Variants in AKAP6 observed in about 807,000 individuals in gnomAD.
AKAP6 encodes the protein A-kinase anchoring protein 6.
AKAP6 carries 58 observed loss-of-function variants against 188.5 expected under a neutral mutation model. That is an observed-to-expected ratio of 0.31 (90% CI 0.25 to 0.38). The LOEUF (loss-of-function observed/expected upper bound fraction) is 0.38. Among genes scored for constraint, AKAP6 ranks in the 10% least tolerant of loss-of-function variants. AKAP6 has a pLI of 1.00. For missense variants in AKAP6, 2,710 were observed against 2,740.0 expected, an observed-to-expected ratio of 0.99 and a Z score of 0.24; for synonymous variants, 989 against 998.6, an observed-to-expected ratio of 0.99 and a Z score of 0.18.
intron 2 of AKAP6, among the ~76,000 whole-genome samples, chr14:32,526,475 C>T (rs1443893163): frequency 6.6e-6 from 1 of 152,136 alleles, no homozygotes; most frequent in Non-Finnish European, 1.5e-5. Flanking sequence ...TCAAGTGATC[C>T]GCCCACCTTA....
chr14:32,511,320 G>A (rs1466371162), intron 2 of AKAP6, among the ~76,000 whole-genome samples: 1 of 151,236 alleles, frequency 6.6e-6, no homozygotes, highest in Non-Finnish European at 1.5e-5. Flanking sequence ...AGTGTTTCAG[G>A]TCTTTCTTTA....
intron 2 of AKAP6, among the ~76,000 whole-genome samples, chr14:32,504,850 C>G (rs898273065): frequency 7.2e-5 from 11 of 152,172 alleles, no homozygotes; most frequent in African/African-American, 2.7e-4. Context: ...TAGGCCTCAG[C>G]TCTGCTCCAT....
In AKAP6 at chr14:32,343,150, AC is replaced by A. The variant is rs1208447398; in HGVS notation, c.-35+13747del. Among the ~76,000 whole-genome samples, 4 of 152,018 alleles carry A rather than the reference AC, an allele frequency of 2.6e-5. No homozygotes were observed. In the East Asian group the frequency reaches 5.8e-4, roughly 22 times the overall value. On this transcript the variant is annotated intron_variant, in intron 1 of 13. Transcript: ENST00000280979. ...TCTTCTGGGTTCAAATCTCAGTCCCACCCCCACTAGCTCTGTGCCCAGGGAA... is the reference window on the plus strand; with the variant it reads ...TCTTCTGGGTTCAAATCTCAGTCCCACCCCACTAGCTCTGTGCCCAGGGAA...
chr14:32,330,694 C>G (rs1184456770), intron 1 of AKAP6, among the ~76,000 whole-genome samples: 1 of 141,382 alleles, frequency 7.1e-6, no homozygotes, highest in Non-Finnish European at 1.5e-5. Flanking sequence ...AAAGCAATAC[C>G]TTTAGCTAGC....
chr14:32,385,718 G>A (rs1325140685), intron 1 of AKAP6, among the ~76,000 whole-genome samples: 1 of 151,008 alleles, frequency 6.6e-6, no homozygotes, highest in East Asian at 1.9e-4. Flanking sequence ...TCTCATCCAG[G>A]TTGCTACGAA....
chr14:32,573,924 G>A (rs10151427), intron 4 of AKAP6, among the ~76,000 whole-genome samples: 19,248 of 152,146 alleles, frequency 0.13, 1,390 homozygotes, highest in Admixed American at 0.2. Context: ...GATAGGGGGA[G>A]AGTACCTAGT....
At chr14:32,393,756 G>T (rs1888786043) in intron 1 of AKAP6, among the ~76,000 whole-genome samples, 1 of 152,038 alleles carries the variant, frequency 6.6e-6, no homozygotes. Flanking sequence ...TATCTTCTTG[G>T]CTATTATTAT....
chr14:32,511,397 G>A (rs1239425434), intron 2 of AKAP6, among the ~76,000 whole-genome samples: 38 of 144,534 alleles, frequency 2.6e-4, no homozygotes, highest in African/African-American at 9.8e-4. Context: ...TTTTGAGACG[G>A]AGTCTCACTC....
At chr14:32,715,780 A>T (rs539324567) in intron 9 of AKAP6, among the ~76,000 whole-genome samples, 37 of 151,802 alleles carry the variant, frequency 2.4e-4, no homozygotes, top group African/African-American at 4.8e-4. Context: ...ATTTTTTTTT[A>T]AAATTCTAGT....
chr14:32,517,759 C>T (rs1481508168), intron 2 of AKAP6, among the ~76,000 whole-genome samples: 2 of 152,230 alleles, frequency 1.3e-5, no homozygotes, highest in African/African-American at 2.4e-5. Context: ...GTAGACTCCA[C>T]CTCTGTGGGC....
At chr14:32,526,793 A>AT (rs1160900920) in intron 2 of AKAP6, among the ~76,000 whole-genome samples, 17 of 152,336 alleles carry the variant, frequency 1.1e-4, no homozygotes, top group African/African-American at 3.8e-4. Context: ...TTTAAATAGT[A>AT]TTTTTGTAAC....
rs1336707300 is a variant in AKAP6 at position 32,824,061 on chromosome 14, C to T, written c.6248C>T (p.Ala2083Val). The T allele has an allele frequency of 2.5e-6, 4 of 1,613,788 alleles. No individual in the cohort carries two copies. Among genetic ancestry groups the T allele is most frequent in the Non-Finnish European group, 3.4e-6 (4 of 1,179,926 alleles). The change falls in exon 13 of 14, where the codon GCT becomes GTT. Residue 2083 changes from alanine to valine, a missense_variant. Coordinates refer to ENST00000280979, the MANE Select transcript of AKAP6 (RefSeq NM_004274.5). ...SKSQPENEVAAPTSLTQIKEK... is the reference protein window; with the variant it reads ...SKSQPENEVAVPTSLTQIKEK... ...TCTCAACCTGAAAACGAGGTGGCTG[C>T]TCCTACTTCATTAACTCAAATCAAG... is the stretch of plus-strand genomic sequence containing the variant.
chr14:32,511,532 C>T (rs1881262705), intron 2 of AKAP6, among the ~76,000 whole-genome samples: 1 of 152,034 alleles, frequency 6.6e-6, no homozygotes, highest in African/African-American at 2.4e-5. Flanking sequence ...TGTGCCACCA[C>T]GCCTGGCTAA....
chr14:32,804,642 G>C (rs996700706), intron 12 of AKAP6, among the ~76,000 whole-genome samples: 4 of 152,142 alleles, frequency 2.6e-5, no homozygotes, highest in Non-Finnish European at 5.9e-5. Context: ...AACAGAGTTC[G>C]AGAGCAGAGA....
chr14:32,706,816 C>CA lies in AKAP6; in HGVS notation c.3000+10706_3000+10707insA, dbSNP rs537865871. 3.9e-3 allele frequency among the ~76,000 whole-genome samples: 589 copies of CA among 152,096 alleles called. 9 individuals carry two copies. The highest frequency in any genetic ancestry group is 0.013 in the African/African-American group (557 of 41,510). On this transcript the variant is annotated intron_variant, in intron 9 of 13. Transcript: ENST00000280979. Reference sequence around the variant, plus strand: ...ATAAGACACAAAACACACAAACACACTACACACACATGCAAGCTAGGAAAG... The same window carrying CA: ...ATAAGACACAAAACACACAAACACACATACACACACATGCAAGCTAGGAAAG...
rs183323180 is a variant in AKAP6 at position 32,583,785 on chromosome 14, C to T, written c.2469+6543C>T. 3.4e-4 allele frequency among the ~76,000 whole-genome samples: 52 copies of T among 152,280 alleles called. 2 individuals carry two copies. Among genetic ancestry groups the T allele is most frequent in the Admixed American group, 2.7e-3 (42 of 15,298 alleles). On this transcript the variant is annotated intron_variant, in intron 5 of 13. Coordinates refer to ENST00000280979, the MANE Select transcript of AKAP6 (RefSeq NM_004274.5). ...GGCGTAGGACCCTCTGAGCCAGGTGCGGGATATAATCTCCCGGTGCGCCGT... is the reference window on the plus strand; with the variant it reads ...GGCGTAGGACCCTCTGAGCCAGGTGTGGGATATAATCTCCCGGTGCGCCGT...
intron 1 of AKAP6, among the ~76,000 whole-genome samples, chr14:32,402,814 C>A (rs1406411106): frequency 6.6e-6 from 1 of 151,878 alleles, no homozygotes; most frequent in Non-Finnish European, 1.5e-5. Context: ...ACTGCAACCT[C>A]TGCTTCATGG....
chr14:32,430,808 A>T (rs550059765), intron 1 of AKAP6, among the ~76,000 whole-genome samples: 10 of 152,138 alleles, frequency 6.6e-5, no homozygotes, highest in African/African-American at 2.4e-4. Flanking sequence ...AATTTTTTTT[A>T]AATATTAAAA....
intron 11 of AKAP6, among the ~76,000 whole-genome samples, chr14:32,754,145 G>C (rs576041741): frequency 2.6e-5 from 4 of 151,764 alleles, no homozygotes; most frequent in Non-Finnish European, 5.9e-5. Context: ...TTCTCTCTTC[G>C]TTTCTGTCAA....
Sources: gnomAD v4.1 joint callset for allele counts (sites outside exome capture counted in the v4.1 genomes callset) on GRCh38, gnomAD v4.1.1 for gene constraint, MANE v1.5 for transcripts, NCBI Gene and HGNC (gene_info 2026-07-23, HGNC 2026-07-21) for gene names.